Variants in RARB observed in about 807,000 individuals in gnomAD.
The protein encoded by RARB is retinoic acid receptor beta.
A neutral mutation model predicts 51.9 loss-of-function variants in RARB; 17 were observed. The observed-to-expected ratio is 0.33, with a 90% CI of 0.22 to 0.49. The LOEUF is 0.49. Ranked by LOEUF, RARB falls within the 20% of genes least tolerant of loss-of-function variation. The pLI, the probability that RARB is intolerant of heterozygous loss-of-function variation, is 0.99. For synonymous variants in RARB, 215 were observed against 195.4 expected, an observed-to-expected ratio of 1.10 and a Z score of -0.84; for missense variants, 369 against 550.8, an observed-to-expected ratio of 0.67 and a Z score of 3.30.
chr3:25,596,376 T>G (rs772077497), intron 7 of RARB, 44 bp from the exon 8 acceptor site: 31 of 1,496,232 alleles, frequency 2.1e-5, no homozygotes, highest in Non-Finnish European at 2.9e-5. Context: ...TGTCATAGCT[T>G]AACTCCTTAT....
At chr3:24,870,246 T>C (rs985706820) in intron 2 of RARB, among the ~76,000 whole-genome samples, 1 of 152,096 alleles carries the variant, frequency 6.6e-6, no homozygotes, top group Non-Finnish European at 1.5e-5. Flanking sequence ...ACCAATCTCT[T>C]AAAAATAGAA....
At chr3:25,477,118 G>T (rs564822200) in intron 2 of RARB, among the ~76,000 whole-genome samples, 10 of 152,230 alleles carry the variant, frequency 6.6e-5, no homozygotes, top group Non-Finnish European at 1.5e-4. Context: ...TTAGGATACT[G>T]TTGGCCAAGT....
chr3:25,148,433 A>G (rs1461194451), intron 4 of RARB, among the ~76,000 whole-genome samples: 1 of 152,234 alleles, frequency 6.6e-6, no homozygotes, highest in Non-Finnish European at 1.5e-5. Flanking sequence ...GATTCTATTG[A>G]ATCAGTGAAT....
chr3:25,208,371 C>G (rs1418166642), intron 5 of RARB, among the ~76,000 whole-genome samples: 1 of 152,198 alleles, frequency 6.6e-6, no homozygotes, highest in African/African-American at 2.4e-5. Flanking sequence ...CACTTATAGA[C>G]AGTAAAATGC....
chr3:25,473,633 G>A (rs938233963), intron 2 of RARB, among the ~76,000 whole-genome samples: 7 of 152,174 alleles, frequency 4.6e-5, no homozygotes, highest in African/African-American at 1.7e-4. Context: ...TGTCAGTACA[G>A]TCAAGGTGGC....
intron 2 of RARB, among the ~76,000 whole-genome samples, chr3:24,892,894 G>T (rs111994473): frequency 6.6e-6 from 1 of 152,178 alleles, no homozygotes; most frequent in Non-Finnish European, 1.5e-5. Flanking sequence ...CTGCCATTGG[G>T]CTATCACTGT....
chr3:24,937,340 C>A (rs1695567230), intron 2 of RARB, among the ~76,000 whole-genome samples: 1 of 152,134 alleles, frequency 6.6e-6, no homozygotes, highest in African/African-American at 2.4e-5. Context: ...GAGGGGCCAT[C>A]AACACACCCA....
intron 2 of RARB, among the ~76,000 whole-genome samples, chr3:24,968,973 C>T (rs1696335876): frequency 6.6e-6 from 1 of 151,938 alleles, no homozygotes; most frequent in South Asian, 2.1e-4. Context: ...ATTTTAGGTA[C>T]ATTTGGTCAT....
rs1702825184 is a variant in RARB, at chr3:25,254,971, A to G, written c.178+80396A>G. ...GGACTTTTTAGGGATAATCCAGCAC[A>G]GTACCTGACACCTACGACATTCTCA... is the stretch of plus-strand genomic sequence containing the variant. On this transcript the variant is annotated intron_variant, in intron 5 of 11. Coordinates refer to the RARB transcript ENST00000383772. Among the ~76,000 whole-genome samples, 6 of 152,312 alleles carry G rather than the reference A, an allele frequency of 3.9e-5. No individual in the cohort carries two copies. In the South Asian group the frequency reaches 1.2e-3, roughly 32 times the overall value.
intron 2 of RARB, among the ~76,000 whole-genome samples, chr3:25,055,392 A>G (rs1032529369): frequency 6.6e-6 from 1 of 152,138 alleles, no homozygotes; most frequent in Non-Finnish European, 1.5e-5. Context: ...AACAAGCATC[A>G]TTGTCTAACT....
chr3:24,974,507 A>C (rs530045839), intron 2 of RARB, among the ~76,000 whole-genome samples: 1 of 152,218 alleles, frequency 6.6e-6, no homozygotes, highest in South Asian at 2.1e-4. Flanking sequence ...AAAATACATG[A>C]TCCAACTGAC....
At position 25,243,317 on chromosome 3, in the gene RARB, T is replaced by C. The variant is rs1331385245; in HGVS notation, c.178+68742T>C. Among the ~76,000 whole-genome samples, 55 of 152,322 alleles carry C rather than the reference T, an allele frequency of 3.6e-4. 1 individual carries two copies. The highest frequency in any genetic ancestry group is 3.6e-3 in the Admixed American group (55 of 15,292). ...CCCTTTATTTCTTCCTCTTGCCTGA[T>C]TGCCCTGACCAGAACTTTCAATACT... On this transcript the variant is annotated intron_variant, in intron 5 of 11. Coordinates refer to the RARB transcript ENST00000383772.
intron 2 of RARB, among the ~76,000 whole-genome samples, chr3:25,467,277 A>G (rs966801579): frequency 2.0e-5 from 3 of 152,248 alleles, no homozygotes; most frequent in African/African-American, 7.2e-5. Context: ...TCAAATGCTT[A>G]ATGTCTTAAA....
At chr3:25,392,312 T>C (rs1676284724) in intron 5 of RARB, among the ~76,000 whole-genome samples, 2 of 152,198 alleles carry the variant, frequency 1.3e-5, no homozygotes. Flanking sequence ...TTGTTTGAAA[T>C]CAGGTAATGT....
intron 2 of RARB, among the ~76,000 whole-genome samples, chr3:25,050,022 T>G (rs1698294531): frequency 6.6e-6 from 1 of 152,098 alleles, no homozygotes; most frequent in African/African-American, 2.4e-5. Context: ...AAAAGTTTAA[T>G]AGAAGGAAAG....
chr3:24,846,159 T>C (rs1215651199), intron 1 of RARB, among the ~76,000 whole-genome samples: 1 of 152,232 alleles, frequency 6.6e-6, no homozygotes, highest in Non-Finnish European at 1.5e-5. Context: ...ATCTTTTTCA[T>C]TAATGTGCTG....
At chr3:24,963,308 G>T (rs1355273357) in intron 2 of RARB, among the ~76,000 whole-genome samples, 1 of 151,542 alleles carries the variant, frequency 6.6e-6, no homozygotes, top group Non-Finnish European at 1.5e-5. Flanking sequence ...AAATGCCAGT[G>T]AGTTCATTGG....
chr3:25,286,152 G>GCA (rs1389081149), intron 5 of RARB, among the ~76,000 whole-genome samples: 1 of 119,540 alleles, frequency 8.4e-6, no homozygotes, highest in Non-Finnish European at 1.6e-5. Context: ...GCAGTGGCAT[G>GCA]ATCTCAGCTC....
chr3:24,920,731 T>G (rs537391688), intron 2 of RARB, among the ~76,000 whole-genome samples: 4 of 152,300 alleles, frequency 2.6e-5, no homozygotes, highest in Admixed American at 2.6e-4. Context: ...TGTCCTCAGT[T>G]CCACAAGTCT....
Sources: gnomAD v4.1 joint callset for allele counts (sites outside exome capture counted in the v4.1 genomes callset) on GRCh38, gnomAD v4.1.1 for gene constraint, MANE v1.5 for transcripts, NCBI Gene and HGNC (gene_info 2026-07-23, HGNC 2026-07-21) for gene names.